The following SLC24A3 variants were observed in gnomAD, a reference collection of about 807,000 sequenced individuals.
SLC24A3 encodes the protein sodium/potassium/calcium exchanger 3.
SLC24A3 carries 28 observed loss-of-function variants against 75.8 expected under a neutral mutation model. The observed-to-expected ratio is 0.37, with a 90% CI of 0.27 to 0.51. The LOEUF (loss-of-function observed/expected upper bound fraction) is 0.51. Among genes scored for constraint, SLC24A3 ranks in the 20% least tolerant of loss-of-function variants. The pLI, the probability that SLC24A3 is intolerant of heterozygous loss-of-function variation, is 0.94. For synonymous variants in SLC24A3, 372 were observed against 334.1 expected (o/e 1.11, Z -1.24); for missense variants, 663 against 847.8 (o/e 0.78, Z 2.71).
chr20:19,660,385 G>A (rs1033233857), intron 7 of SLC24A3, among the ~76,000 whole-genome samples: 6 of 151,348 alleles, frequency 4.0e-5, no homozygotes, highest in African/African-American at 9.7e-5. Context: ...GAGAACATAC[G>A]GTATTTGATT....
At chr20:19,330,779 C>T (rs1984979859) in intron 2 of SLC24A3, among the ~76,000 whole-genome samples, 1 of 152,182 alleles carries the variant, frequency 6.6e-6, no homozygotes, top group African/African-American at 2.4e-5. Flanking sequence ...CTTCAAATGC[C>T]TCTCATAAGT....
intron 2 of SLC24A3, among the ~76,000 whole-genome samples, chr20:19,334,098 T>C (rs1279483797): frequency 6.6e-6 from 1 of 150,730 alleles, no homozygotes; most frequent in Non-Finnish European, 1.5e-5. Flanking sequence ...AGAAATCAAA[T>C]TGTAAAAGTC....
intron 2 of SLC24A3, among the ~76,000 whole-genome samples, chr20:19,398,046 T>G (rs987079566): frequency 6.6e-6 from 1 of 152,206 alleles, no homozygotes; most frequent in Non-Finnish European, 1.5e-5. Context: ...CTATCTTGGC[T>G]TCTTTCTCTT....
At chr20:19,414,793 T>C (rs1260487944) in intron 2 of SLC24A3, among the ~76,000 whole-genome samples, 1 of 152,248 alleles carries the variant, frequency 6.6e-6, no homozygotes, top group Non-Finnish European at 1.5e-5. Context: ...AGTGTTATCT[T>C]AGAGCATGAA....
chr20:19,337,386 G>A (rs1409344644), intron 2 of SLC24A3, among the ~76,000 whole-genome samples: 1 of 152,170 alleles, frequency 6.6e-6, no homozygotes, highest in Non-Finnish European at 1.5e-5. Context: ...GGAGGTTGCG[G>A]TGAGCTGAAA....
intron 1 of SLC24A3, chr20:19,242,596 G>A (rs1982361384): frequency 6.6e-6 from 1 of 152,172 alleles, no homozygotes; most frequent in South Asian, 2.1e-4. Flanking sequence ...ATAATTTAAA[G>A]AAATGGTTAA....
At chr20:19,502,868 CAAAAAAAAAAA>C (rs368651686) in intron 2 of SLC24A3, among the ~76,000 whole-genome samples, 5 of 72,208 alleles carry the variant, frequency 6.9e-5, no homozygotes, top group African/African-American at 1.5e-4. Context: ...CTGTCTCTAC[CAAAAAAAAAAA>C]AAAAAAAAAA....
intron 1 of SLC24A3, among the ~76,000 whole-genome samples, chr20:19,257,007 CCTCT>C (rs1982835701): frequency 6.6e-6 from 1 of 152,074 alleles, no homozygotes; most frequent in Non-Finnish European, 1.5e-5. Context: ...TGCACCGAAC[CCTCT>C]CTAAGGACCT....
chr20:19,720,329 C>T (rs1292203273), intron 16 of SLC24A3, among the ~76,000 whole-genome samples: 1 of 152,168 alleles, frequency 6.6e-6, no homozygotes, highest in Non-Finnish European at 1.5e-5. Flanking sequence ...CCTCTGGAGG[C>T]ATTGAAATCA....
At chr20:19,510,339 A>G (rs905923109) in intron 2 of SLC24A3, among the ~76,000 whole-genome samples, 5 of 152,230 alleles carry the variant, frequency 3.3e-5, no homozygotes, top group Non-Finnish European at 7.3e-5. Context: ...TCCTGATGTT[A>G]TGCTTGTGCA....
chr20:19,325,580 A>G (rs1045988851), intron 2 of SLC24A3, among the ~76,000 whole-genome samples: 1 of 151,664 alleles, frequency 6.6e-6, no homozygotes, highest in Admixed American at 6.6e-5. Flanking sequence ...GACCACCTTC[A>G]TGGGAGAGGA....
At chr20:19,520,095 G>A (rs1416339214) in intron 3 of SLC24A3, among the ~76,000 whole-genome samples, 2 of 152,174 alleles carry the variant, frequency 1.3e-5, no homozygotes, top group Non-Finnish European at 2.9e-5. Flanking sequence ...GAGAGTAGAA[G>A]GTGTCACACA....
chr20:19,596,909 C>T (rs919116948), intron 6 of SLC24A3, among the ~76,000 whole-genome samples: 5 of 152,208 alleles, frequency 3.3e-5, no homozygotes, highest in African/African-American at 1.2e-4. Context: ...CTCACACCCC[C>T]TTTCCCCGCC....
chr20:19,319,847 C>A (rs1387651575), intron 2 of SLC24A3, among the ~76,000 whole-genome samples: 1 of 152,202 alleles, frequency 6.6e-6, no homozygotes, highest in Admixed American at 6.5e-5. Context: ...TGTACCCCAG[C>A]TGGCCTGTGC....
At chr20:19,610,548 G>A (rs1291941287) in intron 6 of SLC24A3, among the ~76,000 whole-genome samples, 1 of 152,228 alleles carries the variant, frequency 6.6e-6, no homozygotes, top group African/African-American at 2.4e-5. Context: ...TTCCCCAGAA[G>A]TAGGACCTCA....
At position 19,474,049 on chromosome 20, in the gene SLC24A3, A is replaced by G. The variant is rs191947427; in HGVS notation, c.272-41439A>G. On this transcript the variant is annotated intron_variant, in intron 2 of 16. Coordinates refer to ENST00000328041, the MANE Select transcript of SLC24A3 (RefSeq NM_020689.4). ...ATTAAACTGTCGGAGGAGATGTTCT[A>G]CTTGTCTTACTCAACACGGGTCCCT... 7.2e-5 allele frequency among the ~76,000 whole-genome samples: 11 copies of G among 152,364 alleles called. No individual in the cohort carries two copies. In the South Asian group the frequency reaches 1.7e-3, roughly 23 times the overall value.
chr20:19,265,911 A>G (rs1388279241), intron 1 of SLC24A3: 2 of 153,200 alleles, frequency 1.3e-5, no homozygotes, highest in Admixed American at 1.3e-4. Context: ...TTTGGCCTTT[A>G]GTTCAGGCAG....
intron 2 of SLC24A3, among the ~76,000 whole-genome samples, chr20:19,366,830 G>T (rs1356089078): frequency 6.6e-6 from 1 of 152,158 alleles, no homozygotes; most frequent in African/African-American, 2.4e-5. Context: ...AAGGATAAGG[G>T]TCAAATGATC....
intron 2 of SLC24A3, among the ~76,000 whole-genome samples, chr20:19,484,743 A>C (rs1988104841): frequency 1.3e-5 from 2 of 152,182 alleles, no homozygotes; most frequent in Admixed American, 1.3e-4. Flanking sequence ...CCAAGATGAA[A>C]ATGTTCTGCC....
Sources: gnomAD v4.1 joint callset for allele counts (sites outside exome capture counted in the v4.1 genomes callset) on GRCh38, gnomAD v4.1.1 for gene constraint, MANE v1.5 for transcripts, NCBI Gene and HGNC (gene_info 2026-07-23, HGNC 2026-07-21) for gene names.